The following ANK2 variants were observed in gnomAD, a reference collection of about 807,000 sequenced individuals.
ANK2 encodes ankyrin-2.
ANK2 carries 83 observed loss-of-function variants against 360.5 expected under a neutral mutation model. The ratio of observed to expected loss-of-function variants is 0.23; its 90% confidence interval spans 0.19 to 0.28. The LOEUF (loss-of-function observed/expected upper bound fraction) is 0.28. Among genes scored for constraint, ANK2 ranks in the 10% least tolerant of loss-of-function variants. The pLI is 1.00. For synonymous variants in ANK2, 1,740 were observed against 1,759.5 expected (o/e 0.99, Z 0.28); for missense variants, 4,201 against 4,795.7 (o/e 0.88, Z 3.66).
At chr4:113,330,154 G>A in intron 26 of ANK2, 92 bp from the exon 27 acceptor site, 1 of 1,237,614 alleles carries the variant, frequency 8.1e-7, no homozygotes, top group East Asian at 2.5e-5. Context: ...GAGAGATTTT[G>A]AGACAAAGCA....
chr4:113,238,019 A>T (rs1290586170), intron 7 of ANK2, among the ~76,000 whole-genome samples: 1 of 152,062 alleles, frequency 6.6e-6, no homozygotes, highest in African/African-American at 2.4e-5. Flanking sequence ...TTGTCTTTTT[A>T]TCTAATTGCT....
chr4:113,031,614 T>A (rs2060428515), intron 2 of ANK2: 1 of 150,670 alleles, frequency 6.6e-6, no homozygotes, highest in African/African-American at 2.4e-5. Flanking sequence ...GATGACTTAG[T>A]GTTATCACTG....
intron 1 of ANK2, among the ~76,000 whole-genome samples, chr4:113,097,463 C>A (rs1451239683): frequency 6.6e-6 from 1 of 151,982 alleles, no homozygotes. Flanking sequence ...GCAAATTGCA[C>A]CCAATTTATA....
chr4:113,203,376 A>G (rs1455538033), intron 4 of ANK2, among the ~76,000 whole-genome samples: 1 of 152,162 alleles, frequency 6.6e-6, no homozygotes, highest in African/African-American at 2.4e-5. Context: ...GAGTTTCTTT[A>G]AATACTTGTA....
In ANK2 at chr4:113,114,004, GCTA is replaced by G. The variant is rs563312767; in HGVS notation, c.85-60408_85-60406del. ...CCTAGCTTTCTTAAAAGGATTATGT[GCTA>G]CTATCTCCTATGGGAGCAATCTGTT... On this transcript the variant is annotated intron_variant, in intron 1 of 45. Coordinates refer to ENST00000357077, the MANE Select transcript of ANK2 (RefSeq NM_001148.6). Among the ~76,000 whole-genome samples, 21 of 152,248 alleles carry G rather than the reference GCTA, an allele frequency of 1.4e-4. No individual in the cohort carries two copies. The South Asian group carries it at 4.4e-3, about 32-fold the overall frequency.
rs191030701 is a variant in ANK2 at position 113,225,673 on chromosome 4, A to G, written c.385-6488A>G. Among the ~76,000 whole-genome samples the G allele has an allele frequency of 2.6e-5, 4 of 152,314 alleles. No individual in the cohort carries two copies. In the East Asian group the frequency reaches 5.8e-4, roughly 22 times the overall value. On this transcript the variant is annotated intron_variant, in intron 4 of 45. Coordinates refer to ENST00000357077, the MANE Select transcript of ANK2 (RefSeq NM_001148.6). ...GTATATTAACAGTATTTTTCTCTGTATAATTTCTTTGAAATGACTTATAAA... is the reference window on the plus strand; with the variant it reads ...GTATATTAACAGTATTTTTCTCTGTGTAATTTCTTTGAAATGACTTATAAA...
intron 1 of ANK2, among the ~76,000 whole-genome samples, chr4:112,853,228 C>T (rs182356335): frequency 6.6e-6 from 1 of 152,320 alleles, no homozygotes; most frequent in East Asian, 1.9e-4. Context: ...ACTACCACAC[C>T]TGGCTATTTT....
chr4:113,039,222 AT>A (rs556567207), intron 2 of ANK2, among the ~76,000 whole-genome samples: 47 of 151,284 alleles, frequency 3.1e-4, no homozygotes, highest in Non-Finnish European at 6.2e-4. Context: ...TTTGCCATCT[AT>A]TTTTTTTAAT....
At position 113,381,668 on chromosome 4, in the gene ANK2, CCACA is replaced by C; in HGVS notation, c.*200_*203del. On this transcript the variant is annotated 3_prime_UTR_variant, in exon 46 of 46. Transcript: ENST00000357077. ...GGCTGCCCAGTTCTCACACCAGAAACCACACATTCACTCAATATGCAGCTTCCTG... is the reference window on the plus strand; with the variant it reads ...GGCTGCCCAGTTCTCACACCAGAAACCATTCACTCAATATGCAGCTTCCTG... The C allele has an allele frequency of 6.5e-7, 1 of 1,539,014 alleles. No homozygotes were observed. The highest frequency in any genetic ancestry group is 8.7e-7 in the Non-Finnish European group (1 of 1,145,670).
At chr4:113,172,950 G>A (rs189373846) in intron 1 of ANK2, among the ~76,000 whole-genome samples, 7 of 152,288 alleles carry the variant, frequency 4.6e-5, no homozygotes, top group South Asian at 2.1e-4. Flanking sequence ...CAGTTCAGTC[G>A]CTGCAGCATT....
At chr4:113,235,426 C>T (rs2153549417) in intron 5 of ANK2, among the ~76,000 whole-genome samples, 1 of 152,122 alleles carries the variant, frequency 6.6e-6, no homozygotes, top group African/African-American at 2.4e-5. Flanking sequence ...TTATTTTTTC[C>T]TCAGAAGTCT....
chr4:113,043,926 C>A (rs1481604842), intron 2 of ANK2, among the ~76,000 whole-genome samples: 1 of 152,142 alleles, frequency 6.6e-6, no homozygotes, highest in East Asian at 1.9e-4. Context: ...CTACCCACCC[C>A]TAATAAACAA....
chr4:113,174,346 T>G, intron 1 of ANK2, 70 bp from the exon 2 acceptor site: 1 of 1,310,308 alleles, frequency 7.6e-7, no homozygotes. Flanking sequence ...GTAAACATTC[T>G]TGTCTTTCTG....
intron 2 of ANK2, among the ~76,000 whole-genome samples, chr4:113,036,079 C>T (rs759057835): frequency 1.3e-4 from 19 of 151,684 alleles, no homozygotes; most frequent in South Asian, 4.2e-4. Context: ...ATACGTCTTC[C>T]AATGTCTGTG....
At chr4:112,833,580 T>G (rs1288925712) in intron 1 of ANK2, among the ~76,000 whole-genome samples, 1 of 151,632 alleles carries the variant, frequency 6.6e-6, no homozygotes. Context: ...CTCTGCTCAC[T>G]GCAAGCTCCG....
intron 2 of ANK2, among the ~76,000 whole-genome samples, chr4:113,026,719 GA>G (rs2059361240): frequency 6.6e-6 from 1 of 152,204 alleles, no homozygotes; most frequent in Non-Finnish European, 1.5e-5. Context: ...GAGAGAATGG[GA>G]TCATGTCTGG....
At chr4:113,372,005 T>C (rs1344728817) in intron 43 of ANK2, among the ~76,000 whole-genome samples, 1 of 152,230 alleles carries the variant, frequency 6.6e-6, no homozygotes, top group East Asian at 1.9e-4. Context: ...TCTAATATTA[T>C]TCATAGTCTA....
At chr4:113,233,430 C>T (rs377064444) in intron 5 of ANK2, among the ~76,000 whole-genome samples, 1 of 151,984 alleles carries the variant, frequency 6.6e-6, no homozygotes, top group Non-Finnish European at 1.5e-5. Flanking sequence ...CCACCGCGCC[C>T]GGCCTTTTCT....
chr4:113,237,519 T>G, intron 6 of ANK2, 80 bp from the exon 7 acceptor site: 1 of 1,391,996 alleles, frequency 7.2e-7, no homozygotes, highest in Non-Finnish European at 1.0e-6. Flanking sequence ...TATACCCAAT[T>G]GCAGCGAGCA....
Sources: allele counts gnomAD v4.1 joint callset (sites outside exome capture counted in the v4.1 genomes callset), GRCh38; gene constraint gnomAD v4.1.1; transcripts MANE v1.5; gene names NCBI Gene and HGNC (gene_info 2026-07-23, HGNC 2026-07-21).